ERC1: variants seen among roughly 807,000 people sequenced by gnomAD.
The protein encoded by ERC1 is ELKS/RAB6-interacting/CAST family member 1.
ERC1 carries 56 observed loss-of-function variants against 132.0 expected under a neutral mutation model. The observed-to-expected ratio is 0.42, with a 90% CI of 0.34 to 0.53. The LOEUF is 0.53. ERC1 is among the 20% of genes least tolerant of loss of function. The pLI is 0.03. For missense variants in ERC1, 1,202 were observed against 1,349.9 expected, an observed-to-expected ratio of 0.89 and a Z score of 1.72; for synonymous variants, 478 against 476.1, an observed-to-expected ratio of 1.00 and a Z score of -0.05.
At chr12:1,190,280 ATT>A in intron 12 of ERC1, 1 of 648,598 alleles carries the variant, frequency 1.5e-6, no homozygotes, top group Admixed American at 2.0e-5. Flanking sequence ...CTGTAACATA[ATT>A]GATTGGCAAA....
At chr12:1,384,819 G>T in intron 16 of ERC1, among the ~76,000 whole-genome samples, 1 of 152,162 alleles carries the variant, frequency 6.6e-6, no homozygotes, top group Non-Finnish European at 1.5e-5. Context: ...CCTTGTTCCT[G>T]AATGGAGCAT....
rs1016223584 is a variant in ERC1, at chr12:1,494,051, G to C, written c.*3821G>C. The C allele has an allele frequency of 4.7e-5, 11 of 232,268 alleles. No individual in the cohort carries two copies. The highest frequency in any genetic ancestry group is 2.4e-4 in the African/African-American group (11 of 45,214). 14.4% of individuals were successfully genotyped at this position (232,268 alleles called of 1,614,324 possible). On this transcript the variant is annotated 3_prime_UTR_variant, in exon 19 of 19. Coordinates refer to ENST00000360905, the MANE Select transcript of ERC1 (RefSeq NM_178040.4). The stretch of plus-strand genomic sequence containing the variant: ...ACCATGTTACTTGAGTGTAGGCCCG[G>C]TGTCAAGACCCTCAGAGTCTTTGAG...
chr12:1,190,248 G>T (rs753533976), intron 12 of ERC1, 196 bp downstream of exon 12: 9 of 721,528 alleles, frequency 1.2e-5, no homozygotes, highest in Non-Finnish European at 2.0e-5. Flanking sequence ...CATAGAATGG[G>T]AATAAATTGG....
intron 15 of ERC1, among the ~76,000 whole-genome samples, chr12:1,344,067 T>A (rs960608145): frequency 6.6e-6 from 1 of 152,146 alleles, no homozygotes; most frequent in African/African-American, 2.4e-5. Flanking sequence ...GGTCTCGATC[T>A]CCTGACCTCG....
intron 13 of ERC1, among the ~76,000 whole-genome samples, chr12:1,255,258 C>G (rs1027053854): frequency 6.6e-5 from 10 of 152,122 alleles, no homozygotes; most frequent in Non-Finnish European, 1.3e-4. Flanking sequence ...ATCCATGTCC[C>G]TGCAAAGGAC....
At position 1,329,011 on chromosome 12, in the gene ERC1, C is replaced by G. The variant is rs1244271538; in HGVS notation, c.2780+38999C>G. Among the ~76,000 whole-genome samples, 4 of 141,952 alleles carry G rather than the reference C, an allele frequency of 2.8e-5. 1 individual carries two copies. Among genetic ancestry groups the G allele is most frequent in the African/African-American group, 1.1e-4 (4 of 37,886 alleles). 93.1% of individuals were successfully genotyped at this position (141,952 alleles called of 152,430 possible). A position where few individuals can be genotyped will look rare whatever the true frequency, so the allele number is the denominator to read the frequency against. ...AAAAAAAAAAAAAAAAAAGCCTTAG[C>G]GACCAGGCACGGTGGCTCACGCCTG... On this transcript the variant is annotated intron_variant, in intron 15 of 18. Coordinates refer to ENST00000360905, the MANE Select transcript of ERC1 (RefSeq NM_178040.4).
intron 17 of ERC1, among the ~76,000 whole-genome samples, chr12:1,427,391 G>A (rs1016156493): frequency 5.3e-5 from 8 of 152,102 alleles, no homozygotes; most frequent in South Asian, 2.1e-4. Context: ...AAAAAGAATC[G>A]TCCATAATCC....
chr12:1,281,512 C>A (rs957567516), intron 14 of ERC1, among the ~76,000 whole-genome samples: 1 of 152,162 alleles, frequency 6.6e-6, no homozygotes, highest in African/African-American at 2.4e-5. Context: ...GTGGTTGCCA[C>A]ATCTTCTTTG....
chr12:1,220,430 CAGTT>C (rs1958871110), intron 12 of ERC1, among the ~76,000 whole-genome samples: 1 of 152,100 alleles, frequency 6.6e-6, no homozygotes, highest in African/African-American at 2.4e-5. Flanking sequence ...AAAAAGTTGA[CAGTT>C]GAGAATGCAT....
In ERC1 at chr12:1,180,242, T is replaced by C. The variant is rs142960973; in HGVS notation, c.1738-298T>C. On this transcript the variant is annotated intron_variant, in intron 8 of 18. Transcript: ENST00000360905. ...TCTTTTCTGCTAGCTACTTTTCTTA[T>C]TTTGTTAGGGATGTGTGTGTGTGTG... is the stretch of plus-strand genomic sequence containing the variant. Among the ~76,000 whole-genome samples, 938 of 150,496 alleles carry C rather than the reference T, an allele frequency of 6.2e-3. 16 individuals carry two copies. Among genetic ancestry groups the C allele is most frequent in the African/African-American group, 0.022 (897 of 40,408 alleles).
At position 1,121,735 on chromosome 12, in the gene ERC1, A is replaced by G. The variant is rs1308416485; in HGVS notation, c.1569+5702A>G. Reference sequence around the variant, plus strand: ...TGTCTCTATCTCTATCTCTATCTCTATCTCTATCTATCTCTATCTCTATCT... The same window carrying G: ...TGTCTCTATCTCTATCTCTATCTCTGTCTCTATCTATCTCTATCTCTATCT... On this transcript the variant is annotated intron_variant, in intron 7 of 18. Transcript: ENST00000360905. Among the ~76,000 whole-genome samples the G allele has an allele frequency of 4.7e-3, 25 of 5,376 alleles. 1 individual carries two copies. Among genetic ancestry groups the G allele is most frequent in the African/African-American group, 7.0e-3 (21 of 2,998 alleles). 3.5% of individuals were successfully genotyped at this position (5,376 alleles called of 152,430 possible).
chr12:1,194,105 T>G (rs1259084944), intron 12 of ERC1, among the ~76,000 whole-genome samples: 1 of 152,154 alleles, frequency 6.6e-6, no homozygotes, highest in African/African-American at 2.4e-5. Flanking sequence ...TGAGTAGGCT[T>G]TTCTTTGCTA....
chr12:1,016,635 C>CTTTTTTTTTTTTTT (rs397967271), intron 1 of ERC1, among the ~76,000 whole-genome samples: 2 of 128,076 alleles, frequency 1.6e-5, no homozygotes, highest in Non-Finnish European at 1.7e-5. Flanking sequence ...CTTTTCTTTT[C>CTTTTTTTTTTTTTT]TTTTTTTTTT....
chr12:1,402,667 CAAATT>C (rs929893841), intron 16 of ERC1, among the ~76,000 whole-genome samples: 8 of 122,794 alleles, frequency 6.5e-5, no homozygotes, highest in South Asian at 2.4e-4. Context: ...AAAATAAAAA[CAAATT>C]AAATGAAATA....
chr12:1,050,251 A>G (rs573423992), intron 2 of ERC1, among the ~76,000 whole-genome samples: 2 of 152,310 alleles, frequency 1.3e-5, no homozygotes, highest in Admixed American at 6.5e-5. Flanking sequence ...ACGTCAGGAT[A>G]AGATCTAAGA....
chr12:1,173,626 AC>A (rs1953331702), intron 8 of ERC1, among the ~76,000 whole-genome samples: 3 of 152,138 alleles, frequency 2.0e-5, no homozygotes, highest in Non-Finnish European at 4.4e-5. Flanking sequence ...TATAGAATAG[AC>A]TCTCTGCTGA....
rs1252796618 is a variant in ERC1, at chr12:1,493,675, C to T, written c.*3445C>T. ...TCTACCTGTGGCTCTCAGACTTCCTCACACTTGGGTTTTAGAAATAACTTG... is the reference window on the plus strand; with the variant it reads ...TCTACCTGTGGCTCTCAGACTTCCTTACACTTGGGTTTTAGAAATAACTTG... On this transcript the variant is annotated 3_prime_UTR_variant, in exon 19 of 19. Transcript: ENST00000360905. 1 of 187,342 alleles carries T rather than the reference C, an allele frequency of 5.3e-6. No individual in the cohort carries two copies. The highest frequency in any genetic ancestry group is 1.1e-5 in the Non-Finnish European group (1 of 90,500). The allele number at this position is 187,342 out of a possible 1,614,324, so 11.6% of individuals were successfully genotyped here.
intron 16 of ERC1, among the ~76,000 whole-genome samples, chr12:1,378,290 G>C (rs2088187535): frequency 6.6e-6 from 1 of 152,194 alleles, no homozygotes. Flanking sequence ...CGCCAAGTTG[G>C]AGACAGTAAA....
In ERC1 at chr12:1,082,003, G is replaced by A. The variant is rs546674763; in HGVS notation, c.670-1161G>A. 1.4e-3 allele frequency among the ~76,000 whole-genome samples: 206 copies of A among 146,346 alleles called. 2 individuals carry two copies. Among genetic ancestry groups the A allele is most frequent in the Non-Finnish European group, 2.2e-3 (148 of 66,082 alleles). On this transcript the variant is annotated intron_variant, in intron 2 of 18. Coordinates refer to ENST00000360905, the MANE Select transcript of ERC1 (RefSeq NM_178040.4). Reference sequence around the variant, plus strand: ...GTTTATAATACTTAAAAGTCATTTTGTATTTCGCTGTCCTTCGGTTTTGCT... The same window carrying A: ...GTTTATAATACTTAAAAGTCATTTTATATTTCGCTGTCCTTCGGTTTTGCT...
Sources: gnomAD v4.1 joint callset for allele counts (sites outside exome capture counted in the v4.1 genomes callset) on GRCh38, gnomAD v4.1.1 for gene constraint, MANE v1.5 for transcripts, NCBI Gene and HGNC (gene_info 2026-07-23, HGNC 2026-07-21) for gene names.